The following ST6GALNAC3 variants were observed in gnomAD, a reference collection of about 807,000 sequenced individuals.
The protein encoded by ST6GALNAC3 is alpha-N-acetylgalactosaminide alpha-2,6-sialyltransferase 3.
ST6GALNAC3 carries 25 observed loss-of-function variants against 32.7 expected under a neutral mutation model. The observed-to-expected ratio is 0.76, with a 90% confidence interval of 0.56 to 1.07. ST6GALNAC3 has a LOEUF of 1.07. Ranked by LOEUF, ST6GALNAC3 falls within the 50% of genes least tolerant of loss-of-function variation. The pLI is 0.00. For missense variants in ST6GALNAC3, 355 were observed against 382.4 expected (o/e 0.93, Z 0.60); for synonymous variants, 129 against 133.1 (o/e 0.97, Z 0.21).
intron 2 of ST6GALNAC3, among the ~76,000 whole-genome samples, chr1:76,354,432 C>T (rs1649275072): frequency 6.6e-6 from 1 of 152,172 alleles, no homozygotes; most frequent in African/African-American, 2.4e-5. Context: ...GTTCTCAGTA[C>T]CTGGAACAGC....
chr1:76,613,847 T>C (rs562068786), intron 3 of ST6GALNAC3, among the ~76,000 whole-genome samples: 1 of 152,358 alleles, frequency 6.6e-6, no homozygotes, highest in South Asian at 2.1e-4. Context: ...CTCTTTTCTT[T>C]GTGGATTGGC....
chr1:76,505,790 C>T (rs976591075), intron 3 of ST6GALNAC3, among the ~76,000 whole-genome samples: 13 of 152,218 alleles, frequency 8.5e-5, no homozygotes, highest in Middle Eastern at 3.4e-3. Flanking sequence ...AATCTTTCAC[C>T]TTTGCTAATC....
At chr1:76,422,856 C>G (rs1655119569) in intron 3 of ST6GALNAC3, among the ~76,000 whole-genome samples, 1 of 151,948 alleles carries the variant, frequency 6.6e-6, no homozygotes, top group African/African-American at 2.4e-5. Flanking sequence ...TTTTTCACGG[C>G]GAGGAGTTTT....
chr1:76,611,545 C>A (rs1570444223), intron 3 of ST6GALNAC3, among the ~76,000 whole-genome samples: 1 of 152,118 alleles, frequency 6.6e-6, no homozygotes, highest in Non-Finnish European at 1.5e-5. Context: ...TCTCCATACC[C>A]CTCTCCTCCC....
chr1:76,327,850 A>G (rs1647108055), intron 2 of ST6GALNAC3, among the ~76,000 whole-genome samples: 1 of 152,164 alleles, frequency 6.6e-6, no homozygotes, highest in Admixed American at 6.5e-5. Context: ...TCAGCCTCTC[A>G]AAGTGTTGGG....
Position 76,545,524 on chromosome 1 carries a change from A to T in ST6GALNAC3, c.624-81928A>T, listed in dbSNP as rs541650754. On this transcript the variant is annotated intron_variant, in intron 3 of 4. Transcript: ENST00000328299. ...GGTAATAGTAATAATAAAAATAATT[A>T]TATTATACTTATAGCTGTTATAATT... Among the ~76,000 whole-genome samples the T allele has an allele frequency of 9.2e-5, 14 of 152,204 alleles. No individual in the cohort carries two copies. The South Asian group carries it at 2.5e-3, about 27-fold the overall frequency.
intron 3 of ST6GALNAC3, among the ~76,000 whole-genome samples, chr1:76,541,502 T>C (rs1663989887): frequency 6.6e-6 from 1 of 152,246 alleles, no homozygotes; most frequent in Admixed American, 6.5e-5. Flanking sequence ...TGCATTCAAG[T>C]ATGTTATAAA....
chr1:76,305,844 T>G (rs569315931), intron 1 of ST6GALNAC3: 180 of 509,736 alleles, frequency 3.5e-4, no homozygotes, highest in Non-Finnish European at 5.6e-4. Context: ...CATAGTGAGA[T>G]GAAGTGACTG....
intron 3 of ST6GALNAC3, among the ~76,000 whole-genome samples, chr1:76,567,411 T>G (rs920097603): frequency 2.0e-5 from 3 of 152,174 alleles, no homozygotes; most frequent in Non-Finnish European, 4.4e-5. Flanking sequence ...CTACCAGTTG[T>G]TATTTACTTA....
chr1:76,403,049 G>GAA (rs201369890), intron 2 of ST6GALNAC3, among the ~76,000 whole-genome samples: 1 of 147,898 alleles, frequency 6.8e-6, no homozygotes, highest in African/African-American at 2.5e-5. Flanking sequence ...AAAACAAAAT[G>GAA]AAAAAAAAAA....
chr1:76,314,026 G>A, intron 2 of ST6GALNAC3, 27 bp downstream of exon 2: 1 of 1,596,320 alleles, frequency 6.3e-7, no homozygotes, highest in Non-Finnish European at 8.5e-7. Context: ...TTACCTAGCA[G>A]TTGGAGAGTA....
Position 76,436,382 on chromosome 1 carries a change from A to G in ST6GALNAC3, c.623+23965A>G, listed in dbSNP as rs546599820. Among the ~76,000 whole-genome samples, 5 of 152,242 alleles carry G rather than the reference A, an allele frequency of 3.3e-5. No homozygotes were observed. In the East Asian group the frequency reaches 5.9e-4, roughly 18 times the overall value. On this transcript the variant is annotated intron_variant, in intron 3 of 4. Transcript: ENST00000328299. ...TGTTAGGTTGTGAATTTGAGCCTCA[A>G]TGGATGCTGCTTTCTTTTAGAATGA...
intron 1 of ST6GALNAC3, among the ~76,000 whole-genome samples, chr1:76,266,778 A>C (rs1658552140): frequency 6.6e-6 from 1 of 152,056 alleles, no homozygotes; most frequent in Non-Finnish European, 1.5e-5. Context: ...TGGGGCAGAG[A>C]CAATCCAGAA....
intron 2 of ST6GALNAC3, among the ~76,000 whole-genome samples, chr1:76,373,841 G>T (rs1651014167): frequency 6.6e-6 from 1 of 152,196 alleles, no homozygotes; most frequent in Non-Finnish European, 1.5e-5. Flanking sequence ...AGAGGGTGCT[G>T]TAAGTATTTC....
At chr1:76,551,530 C>G (rs1664637929) in intron 3 of ST6GALNAC3, among the ~76,000 whole-genome samples, 1 of 151,928 alleles carries the variant, frequency 6.6e-6, no homozygotes, top group Non-Finnish European at 1.5e-5. Context: ...GTGTCAATGC[C>G]ATGTTCTTTT....
chr1:76,537,309 C>T (rs551731426), intron 3 of ST6GALNAC3, among the ~76,000 whole-genome samples: 2 of 152,126 alleles, frequency 1.3e-5, no homozygotes, highest in South Asian at 2.1e-4. Context: ...AGAATCTCTG[C>T]GACATAGCTA....
intron 3 of ST6GALNAC3, among the ~76,000 whole-genome samples, chr1:76,591,179 G>A (rs1352599312): frequency 3.5e-5 from 5 of 144,594 alleles, no homozygotes; most frequent in African/African-American, 5.5e-5. Flanking sequence ...GGCTGTGTGC[G>A]TATGTGTGTG....
intron 3 of ST6GALNAC3, among the ~76,000 whole-genome samples, chr1:76,474,176 G>C (rs1043374456): frequency 1.3e-5 from 2 of 152,142 alleles, no homozygotes; most frequent in Non-Finnish European, 2.9e-5. Context: ...ATGCAGAATT[G>C]TGAGCAAAAA....
At chr1:76,320,764 A>G (rs1326820156) in intron 2 of ST6GALNAC3, among the ~76,000 whole-genome samples, 1 of 152,176 alleles carries the variant, frequency 6.6e-6, no homozygotes, top group Admixed American at 6.5e-5. Context: ...ATATACATTC[A>G]TAGTTATGAA....
Sources: allele counts gnomAD v4.1 joint callset (sites outside exome capture counted in the v4.1 genomes callset), GRCh38; gene constraint gnomAD v4.1.1; transcripts MANE v1.5; gene names NCBI Gene and HGNC (gene_info 2026-07-23, HGNC 2026-07-21).